RIC3: variants seen among roughly 807,000 people sequenced by gnomAD.
RIC3 encodes the protein RIC3 acetylcholine receptor chaperone, also known as protein RIC-3.
Under a neutral mutation model 27.3 loss-of-function variants are expected in RIC3, and 28 were observed. That is an observed-to-expected ratio of 1.02 (90% CI 0.76 to 1.41). The LOEUF (loss-of-function observed/expected upper bound fraction) is 1.41, where lower values mean the gene tolerates loss of function less well. RIC3 is among the 40% of genes most tolerant of loss of function. RIC3 has a pLI of 0.00. For missense variants in RIC3, 501 were observed against 444.7 expected, an observed-to-expected ratio of 1.13 and a Z score of -1.14; for synonymous variants, 184 against 160.4, an observed-to-expected ratio of 1.15 and a Z score of -1.11.
the RIC3 span, chr11:8,094,170 G>A: frequency 2.7e-5 from 43 of 1,613,410 alleles, no homozygotes; most frequent in Non-Finnish European, 3.1e-5. Context: ...CTAGGAAGGA[G>A]AAGAAGGGAA....
intron 4 of RIC3, among the ~76,000 whole-genome samples, chr11:8,134,659 T>A (rs1221123577): frequency 6.6e-6 from 1 of 152,120 alleles, no homozygotes; most frequent in Admixed American, 6.5e-5. Flanking sequence ...CAGCACCTGT[T>A]ATTTCCTGAC....
chr11:8,093,921 CA>C, the RIC3 span: 1 of 1,105,542 alleles, frequency 9.0e-7, no homozygotes, highest in Non-Finnish European at 1.3e-6. Flanking sequence ...AGAAGTGGTA[CA>C]GGGGCCCTGG....
At chr11:8,121,449 C>G (rs1348688567) in intron 5 of RIC3, among the ~76,000 whole-genome samples, 1 of 152,112 alleles carries the variant, frequency 6.6e-6, no homozygotes, top group Non-Finnish European at 1.5e-5. Context: ...GGCGCAGTGG[C>G]TCACGTCTGT....
At chr11:8,111,956 G>A (rs1393273440) in intron 5 of RIC3, among the ~76,000 whole-genome samples, 2 of 152,218 alleles carry the variant, frequency 1.3e-5, no homozygotes, top group Admixed American at 1.3e-4. Context: ...CCGTAATCAC[G>A]ATACAGTGCA....
downstream of RIC3, chr11:8,102,386 A>G (rs985705236): frequency 2.0e-5 from 3 of 152,266 alleles, no homozygotes; most frequent in Non-Finnish European, 2.9e-5. Flanking sequence ...CAGGCTCAGC[A>G]TGCAGAAGTG....
chr11:8,116,086 A>T (rs891970294), intron 5 of RIC3, among the ~76,000 whole-genome samples: 4 of 152,204 alleles, frequency 2.6e-5, no homozygotes, highest in Admixed American at 6.5e-5. Context: ...CCCAGAAATA[A>T]ATCCACATAT....
At position 8,168,986 on chromosome 11, in the gene RIC3, C is replaced by T; in HGVS notation, c.4G>A (p.Ala2Thr). 6.3e-7 allele frequency: 1 copy of T among 1,585,514 alleles called. No individual in the cohort carries two copies. The highest frequency in any genetic ancestry group is 8.6e-7 in the Non-Finnish European group (1 of 1,168,548). The part of the protein sequence containing the change: M[A>T]YSTVQRVALA... ...GCGACTCTCTGCACTGTGGAGTACG[C>T]CATGACTGCTCACGGTGGTCGCAGG... is the stretch of plus-strand genomic sequence containing the variant. Residue 2 changes from alanine (A) to threonine (T), a missense_variant, in exon 1 of 6, where the codon GCG becomes ACG. By Grantham distance (58) the Ala-to-Thr change is moderately conservative (BLOSUM62 0). Coordinates refer to ENST00000309737, the MANE Select transcript of RIC3 (RefSeq NM_001206671.4).
chr11:8,154,402 T>A (rs983383963), intron 1 of RIC3, among the ~76,000 whole-genome samples: 1 of 152,208 alleles, frequency 6.6e-6, no homozygotes, highest in Non-Finnish European at 1.5e-5. Context: ...GTGGTGACGG[T>A]TGCACAACAG....
downstream of RIC3, chr11:8,104,317 C>T (rs1227123592): frequency 1.3e-5 from 2 of 152,210 alleles, no homozygotes; most frequent in African/African-American, 4.8e-5. Context: ...AAACTCTACA[C>T]CCTCTGCCCC....
At chr11:8,093,197 T>G in the RIC3 span, among the ~76,000 whole-genome samples, 1 of 150,750 alleles carries the variant, frequency 6.6e-6, no homozygotes, top group Admixed American at 6.6e-5. Context: ...CCTCGGGAGG[T>G]GACATCCAAG....
chr11:8,152,313 A>G (rs1293822226), intron 1 of RIC3, among the ~76,000 whole-genome samples: 2 of 152,236 alleles, frequency 1.3e-5, no homozygotes, highest in Non-Finnish European at 1.5e-5. Context: ...TATTCATAGT[A>G]TCTAAATGTC....
intron 1 of RIC3, among the ~76,000 whole-genome samples, chr11:8,145,800 G>A (rs1002509969): frequency 1.3e-5 from 2 of 151,948 alleles, no homozygotes; most frequent in Non-Finnish European, 1.5e-5. Flanking sequence ...TAACATTATA[G>A]AACAGAAAAT....
intron 5 of RIC3, among the ~76,000 whole-genome samples, chr11:8,120,067 T>TCCCACC (rs1946274097): frequency 6.6e-6 from 1 of 152,088 alleles, no homozygotes; most frequent in Non-Finnish European, 1.5e-5. Context: ...TGTGGAGAAA[T>TCCCACC]AGGAAGGCTT....
intron 4 of RIC3, among the ~76,000 whole-genome samples, chr11:8,132,106 C>A (rs559123669): frequency 3.3e-5 from 5 of 152,130 alleles, no homozygotes; most frequent in African/African-American, 1.2e-4. Context: ...GAGGTTGCAC[C>A]CTCCCTGCTT....
chr11:8,166,981 A>G (rs998428053), intron 1 of RIC3, among the ~76,000 whole-genome samples: 1 of 152,182 alleles, frequency 6.6e-6, no homozygotes, highest in African/African-American at 2.4e-5. Flanking sequence ...CATAGCTTTT[A>G]TAAGATTCTC....
intron 1 of RIC3, among the ~76,000 whole-genome samples, chr11:8,153,909 T>C (rs1950454475): frequency 6.6e-6 from 1 of 152,194 alleles, no homozygotes; most frequent in East Asian, 1.9e-4. Context: ...CCTGTGACAC[T>C]TAAGACGGTA....
chr11:8,097,413 G>A, the RIC3 span: 4 of 1,614,108 alleles, frequency 2.5e-6, no homozygotes, highest in Non-Finnish European at 3.4e-6. Context: ...TGGACCGTGA[G>A]GATGGGAAGA....
downstream of RIC3, chr11:8,103,491 C>G (rs550743132): frequency 1.3e-5 from 2 of 152,684 alleles, no homozygotes; most frequent in Admixed American, 6.5e-5. Context: ...TCTTTGTAAT[C>G]TAGATTTTCC....
At chr11:8,133,687 C>T (rs1948012196) in intron 4 of RIC3, among the ~76,000 whole-genome samples, 1 of 152,196 alleles carries the variant, frequency 6.6e-6, no homozygotes, top group African/African-American at 2.4e-5. Context: ...GACAGTACAA[C>T]TCCAGATGTA....
Sources: gnomAD v4.1 joint callset for allele counts (sites outside exome capture counted in the v4.1 genomes callset) on GRCh38, gnomAD v4.1.1 for gene constraint, MANE v1.5 for transcripts, NCBI Gene and HGNC (gene_info 2026-07-23, HGNC 2026-07-21) for gene names.